The following TNFRSF19 variants were observed in gnomAD, a reference collection of about 807,000 sequenced individuals.
TNFRSF19 encodes TNF receptor superfamily member 19.
A neutral mutation model predicts 46.4 loss-of-function variants in TNFRSF19; 27 were observed. The observed-to-expected ratio is 0.58, with a 90% confidence interval of 0.43 to 0.80. The LOEUF (loss-of-function observed/expected upper bound fraction) is 0.80. TNFRSF19 is among the 30% of genes least tolerant of loss of function. The probability of loss-of-function intolerance (pLI) is 0.00; values close to 1 mark genes in which losing one functional copy is unlikely to be tolerated. For missense variants in TNFRSF19, 511 were observed against 530.8 expected, an observed-to-expected ratio of 0.96 and a Z score of 0.37; for synonymous variants, 204 against 205.0, an observed-to-expected ratio of 1.00 and a Z score of 0.04.
intron 1 of TNFRSF19, among the ~76,000 whole-genome samples, chr13:23,589,859 G>C (rs989821538): frequency 9.8e-5 from 13 of 132,662 alleles, no homozygotes; most frequent in African/African-American, 3.5e-4. Flanking sequence ...ATTGGCTGCT[G>C]TAGAGAACAT....
At chr13:23,668,620 G>T in intron 8 of TNFRSF19, 72 bp from the exon 9 acceptor site, 1 of 1,515,354 alleles carries the variant, frequency 6.6e-7, no homozygotes, top group South Asian at 1.3e-5. Flanking sequence ...TAAAATTACG[G>T]CTGACATGCT....
At chr13:23,644,637 A>G (rs902626553) in intron 5 of TNFRSF19, among the ~76,000 whole-genome samples, 1 of 152,246 alleles carries the variant, frequency 6.6e-6, no homozygotes, top group Non-Finnish European at 1.5e-5. Flanking sequence ...AGTGAAAACG[A>G]TATCAGGCAC....
chr13:23,638,704 T>C (rs1264242966), intron 5 of TNFRSF19, among the ~76,000 whole-genome samples: 6 of 152,194 alleles, frequency 3.9e-5, no homozygotes, highest in Non-Finnish European at 7.3e-5. Context: ...CTGATGTTCC[T>C]GGGTCCCTGG....
chr13:23,618,041 C>T (rs899476657), intron 4 of TNFRSF19, among the ~76,000 whole-genome samples: 4 of 152,054 alleles, frequency 2.6e-5, no homozygotes, highest in Admixed American at 2.6e-4. Flanking sequence ...ACTAGTGGGT[C>T]CCACGTGGTC....
intron 3 of TNFRSF19, chr13:23,594,228 G>A (rs1158916252): frequency 2.2e-6 from 1 of 451,546 alleles, no homozygotes. Context: ...ATACCCTAGT[G>A]GCATCTGGAA....
chr13:23,669,004 A>G lies in TNFRSF19; in HGVS notation c.1152A>G (p.Glu384=). Residue 384 remains glutamate (E), a synonymous_variant, in exon 9 of 10, where the codon GAA becomes GAG. Coordinates refer to ENST00000248484, the MANE Select transcript of TNFRSF19 (RefSeq NM_148957.4). The stretch of plus-strand genomic sequence containing the variant: ...CTAGATATAACAACACACTGGTAGA[A>G]TCAGCATCAACTCAGGATGCACTAA... The part of the protein sequence containing the change: ...DLSRYNNTLV[E]SASTQDALTM... The G allele has an allele frequency of 6.2e-7, 1 of 1,614,260 alleles. No homozygotes were observed. The highest frequency in any genetic ancestry group is 8.5e-7 in the Non-Finnish European group (1 of 1,180,048).
intron 3 of TNFRSF19, among the ~76,000 whole-genome samples, chr13:23,600,791 A>G (rs1340119850): frequency 1.3e-5 from 2 of 152,196 alleles, no homozygotes; most frequent in Non-Finnish European, 2.9e-5. Context: ...GCACAGGACT[A>G]TGGAAAGCTG....
intron 1 of TNFRSF19, among the ~76,000 whole-genome samples, chr13:23,578,877 G>C (rs1878156065): frequency 6.6e-6 from 1 of 152,202 alleles, no homozygotes. Flanking sequence ...AGGCGAACTC[G>C]GGCTTCCCCG....
intron 1 of TNFRSF19, among the ~76,000 whole-genome samples, chr13:23,584,803 G>A (rs7350670): frequency 0.012 from 1,795 of 152,192 alleles, 13 homozygotes; most frequent in Non-Finnish European, 0.018. Context: ...ATAACAATAC[G>A]TATATTCTTA....
chr13:23,653,067 G>C (rs1420469209), intron 5 of TNFRSF19, among the ~76,000 whole-genome samples: 1 of 152,176 alleles, frequency 6.6e-6, no homozygotes. Flanking sequence ...TCTGCGTCAG[G>C]ATGTCTCAGA....
chr13:23,601,737 G>T (rs1217045371), intron 3 of TNFRSF19, among the ~76,000 whole-genome samples: 4 of 152,134 alleles, frequency 2.6e-5, no homozygotes, highest in Admixed American at 6.5e-5. Flanking sequence ...GGAGGAATTA[G>T]AATTATTTTG....
At chr13:23,640,464 G>A (rs7989882) in intron 5 of TNFRSF19, among the ~76,000 whole-genome samples, 39,348 of 152,048 alleles carry the variant, frequency 0.26, 5,525 homozygotes, top group Non-Finnish European at 0.32. Context: ...TGAGAGTGTG[G>A]TTCTCTCTAG....
intron 5 of TNFRSF19, among the ~76,000 whole-genome samples, chr13:23,657,626 G>T (rs191551026): frequency 6.6e-6 from 1 of 152,252 alleles, no homozygotes; most frequent in East Asian, 1.9e-4. Flanking sequence ...ATATTGAAAT[G>T]CAATATTTAA....
At chr13:23,671,802 G>A (rs1951765888) in intron 9 of TNFRSF19, among the ~76,000 whole-genome samples, 1 of 152,178 alleles carries the variant, frequency 6.6e-6, no homozygotes, top group African/African-American at 2.4e-5. Context: ...AGGCTGCAGT[G>A]AGCTAGGATC....
intron 1 of TNFRSF19, among the ~76,000 whole-genome samples, chr13:23,575,126 C>T (rs1877870513): frequency 6.6e-6 from 1 of 152,214 alleles, no homozygotes; most frequent in Non-Finnish European, 1.5e-5. Flanking sequence ...TGGCCTCAAG[C>T]CAGCCCTAGG....
At chr13:23,620,885 T>A (rs1261363942) in intron 4 of TNFRSF19, among the ~76,000 whole-genome samples, 1 of 152,226 alleles carries the variant, frequency 6.6e-6, no homozygotes, top group Admixed American at 6.5e-5. Context: ...GAGCACTTAC[T>A]ATCATCCGAA....
At chr13:23,575,198 C>T (rs1389172941) in intron 1 of TNFRSF19, among the ~76,000 whole-genome samples, 1 of 152,190 alleles carries the variant, frequency 6.6e-6, no homozygotes, top group Admixed American at 6.5e-5. Flanking sequence ...TGTCTCTTCC[C>T]TCATCGAACT....
intron 5 of TNFRSF19, among the ~76,000 whole-genome samples, chr13:23,639,163 AG>A (rs1214732972): frequency 6.6e-6 from 1 of 152,114 alleles, no homozygotes; most frequent in African/African-American, 2.4e-5. Flanking sequence ...GAGGCTGAGA[AG>A]GGTGGATCAC....
At chr13:23,640,188 A>G (rs1882949918) in intron 5 of TNFRSF19, among the ~76,000 whole-genome samples, 1 of 151,826 alleles carries the variant, frequency 6.6e-6, no homozygotes, top group South Asian at 2.1e-4. Flanking sequence ...GGAGGTTCGC[A>G]ATGGAAAATA....
Sources: gnomAD v4.1 joint callset for allele counts (sites outside exome capture counted in the v4.1 genomes callset) on GRCh38, gnomAD v4.1.1 for gene constraint, MANE v1.5 for transcripts, NCBI Gene and HGNC (gene_info 2026-07-23, HGNC 2026-07-21) for gene names.